Variants in EPHB1 observed in about 807,000 individuals in gnomAD.
EPHB1 encodes ephrin type-B receptor 1.
In EPHB1, 30 loss-of-function variants were observed where a neutral mutation model predicts 94.4. The ratio of observed to expected loss-of-function variants is 0.32; its 90% CI spans 0.24 to 0.43. EPHB1 has a LOEUF of 0.43. Ranked by LOEUF, EPHB1 falls within the 20% of genes least tolerant of loss-of-function variation. The pLI, the probability that EPHB1 is intolerant of heterozygous loss-of-function variation, is 1.00. For synonymous variants in EPHB1, 522 were observed against 489.1 expected (o/e 1.07, Z -0.89); for missense variants, 1,055 against 1,308.3 (o/e 0.81, Z 2.99).
intron 1 of EPHB1, among the ~76,000 whole-genome samples, chr3:134,912,278 C>G (rs887728175): frequency 6.6e-5 from 10 of 152,200 alleles, no homozygotes; most frequent in African/African-American, 2.4e-4. Context: ...GGCGCAAACT[C>G]ATTGGTCTGT....
chr3:134,804,516 G>T (rs1207472610), intron 1 of EPHB1, among the ~76,000 whole-genome samples: 1 of 152,144 alleles, frequency 6.6e-6, no homozygotes. Flanking sequence ...TTGCTTAGAT[G>T]GTTGCAGTTG....
intron 3 of EPHB1, among the ~76,000 whole-genome samples, chr3:135,094,054 A>T (rs1938658361): frequency 6.6e-6 from 1 of 152,184 alleles, no homozygotes; most frequent in Admixed American, 6.5e-5. Flanking sequence ...CTCATAGTTA[A>T]ATCTTTGAGC....
chr3:135,175,362 A>T (rs972049557), intron 9 of EPHB1, among the ~76,000 whole-genome samples: 3 of 152,096 alleles, frequency 2.0e-5, no homozygotes, highest in Admixed American at 6.6e-5. Flanking sequence ...TGGCTAAATC[A>T]TTTCTCCCCA....
intron 9 of EPHB1, among the ~76,000 whole-genome samples, chr3:135,178,852 T>C (rs981194674): frequency 6.6e-6 from 1 of 152,166 alleles, no homozygotes; most frequent in African/African-American, 2.4e-5. Flanking sequence ...AAGCCCCTAC[T>C]CTTCCCAAGG....
At chr3:134,920,207 A>G (rs542589738) in intron 1 of EPHB1, among the ~76,000 whole-genome samples, 18 of 152,140 alleles carry the variant, frequency 1.2e-4, no homozygotes, top group Middle Eastern at 3.4e-3. Flanking sequence ...GAGTTACTAA[A>G]AATTCTTTGT....
intron 3 of EPHB1, among the ~76,000 whole-genome samples, chr3:135,093,757 GTA>G (rs1938647585): frequency 6.6e-6 from 1 of 151,310 alleles, no homozygotes; most frequent in South Asian, 2.1e-4. Flanking sequence ...ATTCAAAAAA[GTA>G]TAAGTTCACT....
chr3:134,842,723 T>C (rs1195783770), intron 1 of EPHB1, among the ~76,000 whole-genome samples: 2 of 152,188 alleles, frequency 1.3e-5, no homozygotes, highest in African/African-American at 4.8e-5. Context: ...CTTTGATTGT[T>C]CAATTCTCTT....
intron 12 of EPHB1, among the ~76,000 whole-genome samples, chr3:135,228,540 G>A (rs1445054009): frequency 6.6e-6 from 1 of 151,942 alleles, no homozygotes; most frequent in Non-Finnish European, 1.5e-5. Context: ...ATCAGTCTTA[G>A]TCCCAGTGTA....
chr3:135,104,090 G>C (rs1334754688), intron 3 of EPHB1, among the ~76,000 whole-genome samples: 2 of 152,210 alleles, frequency 1.3e-5, no homozygotes, highest in African/African-American at 4.8e-5. Context: ...ATGAATGCTT[G>C]AGTCATCACC....
At chr3:134,998,457 T>C (rs987964333) in intron 3 of EPHB1, among the ~76,000 whole-genome samples, 2 of 152,196 alleles carry the variant, frequency 1.3e-5, no homozygotes, top group Non-Finnish European at 1.5e-5. Flanking sequence ...CTTCATGCAA[T>C]CTCTGTTTTA....
Position 135,117,441 on chromosome 3 carries a change from A to G in EPHB1, c.961+10838A>G, listed in dbSNP as rs972012985. ...AAAATCTGGACTTTCCAATGTATAA[A>G]TAATCACTGATGATTTTGAAGACAC... On this transcript the variant is annotated intron_variant, in intron 4 of 15. Coordinates refer to ENST00000398015, the MANE Select transcript of EPHB1 (RefSeq NM_004441.5). Among the ~76,000 whole-genome samples, 17 of 152,216 alleles carry G rather than the reference A, an allele frequency of 1.1e-4. 1 individual carries two copies. Among genetic ancestry groups the G allele is most frequent in the African/African-American group, 3.9e-4 (16 of 41,454 alleles).
intron 5 of EPHB1, among the ~76,000 whole-genome samples, chr3:135,138,369 T>G (rs1469465165): frequency 1.3e-5 from 2 of 152,250 alleles, no homozygotes; most frequent in Non-Finnish European, 2.9e-5. Context: ...AGCCCATCAA[T>G]TCCTCTGAAT....
intron 1 of EPHB1, among the ~76,000 whole-genome samples, chr3:134,884,735 G>A (rs1399709): frequency 0.14 from 21,286 of 152,136 alleles, 2,450 homozygotes; most frequent in African/African-American, 0.32. Context: ...TATGGGGCAC[G>A]GTGGAATACT....
At chr3:135,077,765 C>G (rs1937993924) in intron 3 of EPHB1, among the ~76,000 whole-genome samples, 1 of 152,192 alleles carries the variant, frequency 6.6e-6, no homozygotes, top group Non-Finnish European at 1.5e-5. Context: ...AACCCAATGA[C>G]TGGAAGTAGG....
chr3:134,874,748 G>T lies in EPHB1; in HGVS notation c.59-51068G>T, dbSNP rs148889202. On this transcript the variant is annotated intron_variant, in intron 1 of 15. Transcript: ENST00000398015. ...AGAAAGCACAGAGATCACTCCTAAT[G>T]GGGAGACATGTGCCTCTTTCTTCTT... is the stretch of plus-strand genomic sequence containing the variant. Among the ~76,000 whole-genome samples the T allele has an allele frequency of 3.3e-3, 506 of 152,304 alleles. 4 individuals carry two copies. The highest frequency in any genetic ancestry group is 8.3e-3 in the African/African-American group (347 of 41,566).
At chr3:135,196,191 T>C (rs1156900529) in intron 11 of EPHB1, among the ~76,000 whole-genome samples, 2 of 152,140 alleles carry the variant, frequency 1.3e-5, no homozygotes, top group Non-Finnish European at 2.9e-5. Context: ...TGTTTGTTTT[T>C]TTCTTGTAAA....
At chr3:134,970,100 T>C (rs1933908630) in intron 3 of EPHB1, among the ~76,000 whole-genome samples, 1 of 152,238 alleles carries the variant, frequency 6.6e-6, no homozygotes. Context: ...AAAGCAAACA[T>C]TTTAAAGTTT....
intron 1 of EPHB1, among the ~76,000 whole-genome samples, chr3:134,889,796 G>A (rs2037936759): frequency 6.6e-6 from 1 of 151,388 alleles, no homozygotes. Flanking sequence ...TCCTTCCTCA[G>A]CCCCCCGAGA....
intron 3 of EPHB1, among the ~76,000 whole-genome samples, chr3:135,055,583 A>T (rs1250254073): frequency 6.6e-6 from 1 of 152,152 alleles, no homozygotes; most frequent in East Asian, 1.9e-4. Context: ...GTCACCACTC[A>T]CTAGGTTGAG....
Sources: allele counts gnomAD v4.1 joint callset (sites outside exome capture counted in the v4.1 genomes callset), GRCh38; gene constraint gnomAD v4.1.1; transcripts MANE v1.5; gene names NCBI Gene and HGNC (gene_info 2026-07-23, HGNC 2026-07-21).